Variants in GC observed in about 807,000 individuals in gnomAD.
The protein encoded by GC is GC vitamin D binding protein, also known as vitamin D-binding protein.
GC carries 43 observed loss-of-function variants against 56.7 expected under a neutral mutation model. The observed-to-expected ratio is 0.76, with a 90% CI of 0.59 to 0.98. GC has a LOEUF of 0.98. Among genes scored for constraint, GC ranks in the 50% least tolerant of loss-of-function variants. The pLI is 0.00. For synonymous variants in GC, 216 were observed against 202.7 expected (o/e 1.07, Z -0.56); for missense variants, 529 against 545.9 (o/e 0.97, Z 0.31).
intron 12 of GC, among the ~76,000 whole-genome samples, chr4:71,745,233 G>A (rs897220009): frequency 6.6e-6 from 1 of 152,188 alleles, no homozygotes; most frequent in Admixed American, 6.5e-5. Flanking sequence ...CAGATAGTTA[G>A]AGTGGGGATT....
chr4:71,786,798 C>G (rs1027578102), upstream of GC, among the ~76,000 whole-genome samples: 5 of 151,878 alleles, frequency 3.3e-5, no homozygotes, highest in African/African-American at 9.7e-5. Context: ...CGACAGTCTT[C>G]TAAAAACTCT....
chr4:71,757,995 A>G, intron 7 of GC, 47 bp downstream of exon 7: 1 of 1,576,012 alleles, frequency 6.3e-7, no homozygotes, highest in Non-Finnish European at 8.7e-7. Context: ...AGTACTTGGC[A>G]CTCAATACCT....
intron 2 of GC, 71 bp downstream of exon 2, chr4:71,769,260 C>T: frequency 5.2e-6 from 6 of 1,157,928 alleles, no homozygotes; most frequent in Non-Finnish European, 7.8e-6. Context: ...CATGCTGAGT[C>T]AAAGTTACCT....
chr4:71,785,276 G>A (rs1451259585), upstream of GC, among the ~76,000 whole-genome samples: 5 of 151,596 alleles, frequency 3.3e-5, no homozygotes, highest in Non-Finnish European at 5.9e-5. Context: ...TTATTGCCAC[G>A]TTCTCCCACT....
At chr4:71,748,753 TA>T (rs1401299117) in intron 11 of GC, among the ~76,000 whole-genome samples, 2 of 152,112 alleles carry the variant, frequency 1.3e-5, no homozygotes, top group East Asian at 1.9e-4. Flanking sequence ...TGGGTGAGGA[TA>T]GGGGTAGATA....
upstream of GC, among the ~76,000 whole-genome samples, chr4:71,787,763 A>G (rs1873590): frequency 0.037 from 5,605 of 151,942 alleles, 348 homozygotes; most frequent in African/African-American, 0.13. Flanking sequence ...AGAGAGTGGT[A>G]ATTGACTAGA....
intron 11 of GC, among the ~76,000 whole-genome samples, chr4:71,746,772 T>TAAAAAAAAAAAAAAAAAA (rs34865299): frequency 1.8e-4 from 18 of 100,646 alleles, no homozygotes; most frequent in African/African-American, 7.1e-4. Flanking sequence ...CTCTATTTTG[T>TAAAAAAAAAAAAAAAAAA]AAAAAAAAAA....
chr4:71,752,745 A>G, intron 10 of GC, 95 bp from the exon 11 acceptor site: 1 of 1,117,240 alleles, frequency 9.0e-7, no homozygotes, highest in Non-Finnish European at 1.3e-6. Context: ...CTTTTACAAT[A>G]AAAATGAAAA....
At chr4:71,793,153 T>C (rs1743012594) in intron 1 of GC, among the ~76,000 whole-genome samples, 1 of 152,230 alleles carries the variant, frequency 6.6e-6, no homozygotes, top group Non-Finnish European at 1.5e-5. Flanking sequence ...GGCTCTTTTT[T>C]GGTTCTATAT....
At position 71,768,287 on chromosome 4, in the gene GC, C is replaced by T; in HGVS notation, c.261+14G>A. ...TCTGGGCTGCCACAGAGACGGCCAG[C>T]CACAGAAACCTACCCTGGTGTCATA... On this transcript the variant is annotated intron_variant, in intron 3 of 12. Transcript: ENST00000273951. The T allele has an allele frequency of 1.3e-6, 2 of 1,576,284 alleles. No individual in the cohort carries two copies. The highest frequency in any genetic ancestry group is 1.8e-5 in the Admixed American group (1 of 54,622).
At chr4:71,767,104 G>A (rs1472352488) in intron 3 of GC, among the ~76,000 whole-genome samples, 2 of 152,112 alleles carry the variant, frequency 1.3e-5, no homozygotes, top group East Asian at 1.9e-4. Context: ...TATGAACTTG[G>A]TGGAAGAAAA....
intron 1 of GC, among the ~76,000 whole-genome samples, chr4:71,775,462 G>A (rs1271648878): frequency 6.6e-6 from 1 of 151,930 alleles, no homozygotes; most frequent in Non-Finnish European, 1.5e-5. Context: ...GGCTAGCCAT[G>A]TATGATCTAT....
chr4:71,743,961 C>T (rs922899773), intron 12 of GC, among the ~76,000 whole-genome samples: 2 of 151,994 alleles, frequency 1.3e-5, no homozygotes, highest in Non-Finnish European at 2.9e-5. Flanking sequence ...TTTAGTGGTA[C>T]AGAAATCAAA....
intron 11 of GC, among the ~76,000 whole-genome samples, chr4:71,750,856 G>GC (rs1440591225): frequency 6.6e-6 from 1 of 151,634 alleles, no homozygotes; most frequent in East Asian, 1.9e-4. Context: ...CTGCACTCCA[G>GC]CCTGGGTGAC....
intron 3 of GC, among the ~76,000 whole-genome samples, chr4:71,767,240 A>C (rs1742185746): frequency 6.6e-6 from 1 of 152,160 alleles, no homozygotes; most frequent in African/African-American, 2.4e-5. Flanking sequence ...TATCTGCTGA[A>C]GGCTTGAACA....
At chr4:71,804,685 T>C (rs1743323186), upstream of GC, among the ~76,000 whole-genome samples, 1 of 152,198 alleles carries the variant, frequency 6.6e-6, no homozygotes, top group Admixed American at 6.5e-5. Flanking sequence ...TCTAATGCTT[T>C]TCCTTTTCTC....
chr4:71,753,559 T>C (rs1307977449), intron 10 of GC, among the ~76,000 whole-genome samples: 1 of 151,676 alleles, frequency 6.6e-6, no homozygotes, highest in African/African-American at 2.4e-5. Context: ...AAAAATGACA[T>C]GGTCTTCTCA....
Position 71,793,702 on chromosome 4 carries a change from A to T in GC, c.22-9648T>A, listed in dbSNP as rs376892610. Among the ~76,000 whole-genome samples, 4 of 152,188 alleles carry T rather than the reference A, an allele frequency of 2.6e-5. 1 individual carries two copies. The South Asian group carries it at 8.3e-4, about 32-fold the overall frequency. ...AACTTCCAACACTATGCTGAATAGG[A>T]GTGGTGAGAGAGGGCATCCTTTTCT... On this transcript the variant is annotated intron_variant, in intron 1 of 13. Coordinates refer to the GC transcript ENST00000504199.
intron 1 of GC, among the ~76,000 whole-genome samples, chr4:71,774,349 T>C (rs866315274): frequency 1.3e-5 from 2 of 152,070 alleles, no homozygotes; most frequent in Non-Finnish European, 2.9e-5. Context: ...CTCAAACTAA[T>C]GTCCTTGGGT....
Sources: allele counts gnomAD v4.1 joint callset (sites outside exome capture counted in the v4.1 genomes callset), GRCh38; gene constraint gnomAD v4.1.1; transcripts MANE v1.5; gene names NCBI Gene and HGNC (gene_info 2026-07-23, HGNC 2026-07-21).